Variants in FAM171A1 observed in about 807,000 individuals in gnomAD.
FAM171A1 encodes the protein protein FAM171A1.
FAM171A1 carries 23 observed loss-of-function variants against 74.9 expected under a neutral mutation model. That is an observed-to-expected ratio of 0.31 (90% CI 0.22 to 0.44). FAM171A1 has a LOEUF of 0.44. FAM171A1 is among the 20% of genes least tolerant of loss of function. FAM171A1 has a pLI of 1.00. For missense variants in FAM171A1, 1,162 were observed against 1,159.2 expected, an observed-to-expected ratio of 1.00 and a Z score of -0.03; for synonymous variants, 527 against 505.7, an observed-to-expected ratio of 1.04 and a Z score of -0.57.
rs778240983 is a variant in FAM171A1 at position 15,363,910 on chromosome 10, G to A, written c.97+7046C>T. Among the ~76,000 whole-genome samples, 27 of 152,252 alleles carry A rather than the reference G, an allele frequency of 1.8e-4. No homozygotes were observed. In the South Asian group the frequency reaches 2.1e-3, roughly 12 times the overall value. ...CAGCGCTCCTCCCTCATCAGCATGG[G>A]GGCTTCTTGGATTGTTCAAATGGCC... On this transcript the variant is annotated intron_variant, in intron 1 of 7. Transcript: ENST00000378116.
intron 1 of FAM171A1, among the ~76,000 whole-genome samples, chr10:15,359,679 G>A (rs541870521): frequency 6.6e-6 from 1 of 152,304 alleles, no homozygotes; most frequent in African/African-American, 2.4e-5. Flanking sequence ...TCCTGAATGA[G>A]CCCCTAGAAG....
chr10:15,271,311 A>G (rs56159792), intron 3 of FAM171A1, among the ~76,000 whole-genome samples: 20,221 of 152,182 alleles, frequency 0.13, 1,635 homozygotes, highest in Non-Finnish European at 0.18. Flanking sequence ...TGAATGAAAT[A>G]AAGCGAGAAG....
chr10:15,331,737 G>A (rs1564281630), intron 1 of FAM171A1, among the ~76,000 whole-genome samples: 1 of 148,616 alleles, frequency 6.7e-6, no homozygotes, highest in Non-Finnish European at 1.5e-5. Flanking sequence ...TTATATATAT[G>A]TGTGTGTGTG....
At chr10:15,222,206 G>A (rs949515942) in intron 5 of FAM171A1, among the ~76,000 whole-genome samples, 2 of 152,202 alleles carry the variant, frequency 1.3e-5, no homozygotes, top group African/African-American at 4.8e-5. Flanking sequence ...AAATGGCTAC[G>A]TGGGCGACCC....
At chr10:15,359,031 C>A (rs1453041181) in intron 1 of FAM171A1, among the ~76,000 whole-genome samples, 6 of 152,150 alleles carry the variant, frequency 3.9e-5, no homozygotes, top group Admixed American at 3.9e-4. Flanking sequence ...ATTTACGCTG[C>A]ATGCGATTGA....
At chr10:15,345,723 G>T (rs1835810659) in intron 1 of FAM171A1, among the ~76,000 whole-genome samples, 2 of 152,138 alleles carry the variant, frequency 1.3e-5, no homozygotes, top group Non-Finnish European at 2.9e-5. Context: ...TCTTCCTCAA[G>T]CAAAGAGCAG....
At chr10:15,271,166 T>C (rs138125072) in intron 3 of FAM171A1, among the ~76,000 whole-genome samples, 1 of 152,020 alleles carries the variant, frequency 6.6e-6, no homozygotes, top group Non-Finnish European at 1.5e-5. Flanking sequence ...CTAACTAGAA[T>C]AAACAGCGTA....
chr10:15,347,376 G>C (rs546072040), intron 1 of FAM171A1, among the ~76,000 whole-genome samples: 10 of 152,318 alleles, frequency 6.6e-5, no homozygotes, highest in African/African-American at 2.2e-4. Context: ...GTCGGAAATC[G>C]ATGCAGTCTG....
chr10:15,374,386 T>C (rs1054061770), upstream of FAM171A1, among the ~76,000 whole-genome samples: 2 of 152,240 alleles, frequency 1.3e-5, no homozygotes, highest in Non-Finnish European at 2.9e-5. Context: ...GGTGGGAGGC[T>C]GTAAGGAACA....
chr10:15,212,560 T>A lies in FAM171A1; in HGVS notation c.*355A>T, dbSNP rs1833903054. ...AAAATGACTCAAGCGATGCAAAAAG[T>A]TTCATCTGTTCCCAGAATCCGAGGG... On this transcript the variant is annotated 3_prime_UTR_variant, in exon 8 of 8. Coordinates refer to ENST00000378116, the MANE Select transcript of FAM171A1 (RefSeq NM_001010924.2). 3.8e-6 allele frequency: 1 copy of A among 262,090 alleles called. No individual in the cohort carries two copies. The highest frequency in any genetic ancestry group is 2.3e-5 in the African/African-American group (1 of 43,938). 16.2% of individuals were successfully genotyped at this position (262,090 alleles called of 1,614,324 possible).
rs1588494735 is a variant in FAM171A1 at position 15,220,927 on chromosome 10, T to C, written c.871+17A>G. ...AGCAACTGATCCGCATCATCGCAAG[T>C]GTTGGCTCCGTGTTACCTGGGATGG... is the stretch of plus-strand genomic sequence containing the variant. On this transcript the variant is annotated intron_variant, in intron 6 of 7. Transcript: ENST00000378116. The C allele has an allele frequency of 8.2e-6, 13 of 1,591,452 alleles. No homozygotes were observed. In the East Asian group the frequency reaches 2.7e-4, roughly 33 times the overall value.
intron 1 of FAM171A1, among the ~76,000 whole-genome samples, chr10:15,362,583 G>C (rs1182520530): frequency 6.6e-6 from 1 of 152,200 alleles, no homozygotes; most frequent in African/African-American, 2.4e-5. Context: ...AATTAGCCAG[G>C]AGTGGTGGCA....
chr10:15,311,560 T>C (rs1157932063), intron 1 of FAM171A1, among the ~76,000 whole-genome samples: 1 of 152,196 alleles, frequency 6.6e-6, no homozygotes, highest in Non-Finnish European at 1.5e-5. Flanking sequence ...CATCTCCATA[T>C]ATCCTGGGAT....
chr10:15,231,710 CA>C (rs1256494383), intron 5 of FAM171A1, among the ~76,000 whole-genome samples: 1 of 152,072 alleles, frequency 6.6e-6, no homozygotes, highest in Non-Finnish European at 1.5e-5. Context: ...GTGCTTGAAG[CA>C]ACTTCTGAAA....
At chr10:15,294,129 G>A (rs986884177) in intron 1 of FAM171A1, among the ~76,000 whole-genome samples, 7 of 152,198 alleles carry the variant, frequency 4.6e-5, no homozygotes, top group African/African-American at 1.7e-4. Context: ...ACACTGTTCT[G>A]GCTGTGAGCC....
At chr10:15,373,133 G>A (rs1346196999), upstream of FAM171A1, among the ~76,000 whole-genome samples, 1 of 152,180 alleles carries the variant, frequency 6.6e-6, no homozygotes, top group African/African-American at 2.4e-5. Flanking sequence ...AGAAAAACTA[G>A]GACGTACAGA....
At chr10:15,288,886 A>G in intron 1 of FAM171A1, among the ~76,000 whole-genome samples, 1 of 130,262 alleles carries the variant, frequency 7.7e-6, no homozygotes, top group Non-Finnish European at 1.5e-5. Context: ...GCAATGGCAC[A>G]GTCTCGGCTC....
rs374463600 is a variant in FAM171A1 at position 15,370,607 on chromosome 10, G to A, written c.97+349C>T. 3.6e-4 allele frequency among the ~76,000 whole-genome samples: 54 copies of A among 152,082 alleles called. 2 individuals carry two copies. In the South Asian group the frequency reaches 0.011, roughly 30 times the overall value. ...GCGGCCCCTCTGTCCGCGGCGACAT[G>A]GGAGACAGAGCCGCGTGTCCGAGGC... On this transcript the variant is annotated intron_variant, in intron 1 of 7. Transcript: ENST00000378116.
intron 5 of FAM171A1, chr10:15,241,179 G>A (rs1834360197): frequency 6.6e-6 from 1 of 152,208 alleles, no homozygotes. Context: ...TGAAGGTGCT[G>A]TCACTCTGAG....
Sources: allele counts gnomAD v4.1 joint callset (sites outside exome capture counted in the v4.1 genomes callset), GRCh38; gene constraint gnomAD v4.1.1; transcripts MANE v1.5; gene names NCBI Gene and HGNC (gene_info 2026-07-23, HGNC 2026-07-21).